The following CYYR1 variants were observed in gnomAD, a reference collection of about 807,000 sequenced individuals.
The protein encoded by CYYR1 is cysteine and tyrosine-rich protein 1.
CYYR1 carries 14 observed loss-of-function variants against 15.2 expected under a neutral mutation model. The ratio of observed to expected loss-of-function variants is 0.92; its 90% CI spans 0.61 to 1.44. The LOEUF (loss-of-function observed/expected upper bound fraction) is 1.44. CYYR1 is among the 40% of genes most tolerant of loss of function. The probability of loss-of-function intolerance (pLI) is 0.00; values close to 1 mark genes in which losing one functional copy is unlikely to be tolerated. For synonymous variants in CYYR1, 80 were observed against 77.4 expected, an observed-to-expected ratio of 1.03 and a Z score of -0.18; for missense variants, 228 against 209.5, an observed-to-expected ratio of 1.09 and a Z score of -0.54.
At chr21:26,491,885 C>T (rs1008225559) in intron 2 of CYYR1, among the ~76,000 whole-genome samples, 7 of 152,100 alleles carry the variant, frequency 4.6e-5, no homozygotes, top group Non-Finnish European at 8.8e-5. Flanking sequence ...TGTGACTGAT[C>T]GCTGTCTGCT....
intron 2 of CYYR1, among the ~76,000 whole-genome samples, chr21:26,562,793 T>TAAAC (rs1980316565): frequency 2.4e-5 from 1 of 41,586 alleles, no homozygotes; most frequent in African/African-American, 1.2e-4. Flanking sequence ...CACAGAGACA[T>TAAAC]ACACAAACAC....
At chr21:26,509,189 C>T (rs992375679) in intron 2 of CYYR1, among the ~76,000 whole-genome samples, 2 of 152,176 alleles carry the variant, frequency 1.3e-5, no homozygotes, top group Non-Finnish European at 2.9e-5. Context: ...CTTTACACTC[C>T]TCCCTCTCAG....
intron 3 of CYYR1, chr21:26,477,808 GA>G: frequency 1.0e-6 from 1 of 983,004 alleles, no homozygotes; most frequent in Non-Finnish European, 1.2e-6. Flanking sequence ...TTGACCAAGG[GA>G]AAAAATTCAG....
chr21:26,565,568 C>T (rs192857190), intron 2 of CYYR1, among the ~76,000 whole-genome samples: 55 of 152,264 alleles, frequency 3.6e-4, no homozygotes, highest in African/African-American at 1.2e-3. Context: ...CTTTTCCAGC[C>T]GTACAGCCCT....
chr21:26,571,182 CAGTA>C (rs1244377526), intron 1 of CYYR1, among the ~76,000 whole-genome samples: 2 of 152,186 alleles, frequency 1.3e-5, no homozygotes, highest in African/African-American at 2.4e-5. Flanking sequence ...ATACCTCACT[CAGTA>C]AGTAATAGTT....
chr21:26,568,127 A>G (rs1980768799), intron 1 of CYYR1: 1 of 152,224 alleles, frequency 6.6e-6, no homozygotes, highest in Non-Finnish European at 1.5e-5. Flanking sequence ...ATATATTGAC[A>G]ATAGATGCTT....
At chr21:26,489,702 G>C (rs2065300304) in intron 2 of CYYR1, among the ~76,000 whole-genome samples, 1 of 152,082 alleles carries the variant, frequency 6.6e-6, no homozygotes, top group South Asian at 2.1e-4. Flanking sequence ...TCTAAATGCA[G>C]TAAATCATAG....
At chr21:26,570,386 C>G (rs35604128) in intron 1 of CYYR1, among the ~76,000 whole-genome samples, 6,002 of 152,202 alleles carry the variant, frequency 0.039, 165 homozygotes, top group Non-Finnish European at 0.06. Flanking sequence ...GAAGCACTTG[C>G]TTAGAAATGG....
intron 2 of CYYR1, among the ~76,000 whole-genome samples, chr21:26,480,915 T>G (rs1265987154): frequency 6.6e-6 from 1 of 152,182 alleles, no homozygotes; most frequent in Non-Finnish European, 1.5e-5. Flanking sequence ...AATATTTGTT[T>G]CTTAATAAAA....
In CYYR1 at chr21:26,474,048, GTT is replaced by G. The variant is rs35327076; in HGVS notation, c.335-5416_335-5415del. On this transcript the variant is annotated intron_variant, in intron 3 of 3. Transcript: ENST00000652641. Reference sequence around the variant, plus strand: ...TTGTTGTTGTGTGTTTTTTGTTTTCGTTTTTTTTTTTTTTTTGAGATGGAGTC... The same window carrying G: ...TTGTTGTTGTGTGTTTTTTGTTTTCGTTTTTTTTTTTTTTGAGATGGAGTC... Among the ~76,000 whole-genome samples, 899 of 105,036 alleles carry G rather than the reference GTT, an allele frequency of 8.6e-3. 2 individuals are homozygous for G. Among genetic ancestry groups the G allele is most frequent in the African/African-American group, 0.014 (411 of 29,940 alleles). 68.9% of individuals were successfully genotyped at this position (105,036 alleles called of 152,430 possible).
At chr21:26,543,719 A>G (rs1385646901) in intron 2 of CYYR1, among the ~76,000 whole-genome samples, 1 of 152,174 alleles carries the variant, frequency 6.6e-6, no homozygotes, top group Admixed American at 6.5e-5. Flanking sequence ...CAGCCTGACC[A>G]ACAAGGTAAA....
At chr21:26,473,402 A>G (rs1039169951) in intron 3 of CYYR1, among the ~76,000 whole-genome samples, 1 of 152,152 alleles carries the variant, frequency 6.6e-6, no homozygotes, top group Non-Finnish European at 1.5e-5. Context: ...ACATGCAAAG[A>G]TATAGTATAA....
At chr21:26,522,060 T>C (rs1024150646) in intron 2 of CYYR1, among the ~76,000 whole-genome samples, 1 of 152,230 alleles carries the variant, frequency 6.6e-6, no homozygotes, top group Non-Finnish European at 1.5e-5. Flanking sequence ...TGTGGTATTC[T>C]GTCAAAACTA....
chr21:26,466,386 T>A lies in CYYR1; in HGVS notation c.*2115A>T, dbSNP rs546833498. 9.2e-5 allele frequency: 14 copies of A among 152,328 alleles called. No homozygotes were observed. Among genetic ancestry groups the A allele is most frequent in the African/African-American group, 3.4e-4 (14 of 41,574 alleles). 9.4% of individuals were successfully genotyped at this position (152,328 alleles called of 1,614,324 possible). On this transcript the variant is annotated 3_prime_UTR_variant, in exon 4 of 4. Coordinates refer to ENST00000652641, the MANE Select transcript of CYYR1 (RefSeq NM_001320768.2). ...GAACTCCAACAGTCTATACTGGTAATGTGCACATTGATGCTATTATGACAC... is the reference window on the plus strand; with the variant it reads ...GAACTCCAACAGTCTATACTGGTAAAGTGCACATTGATGCTATTATGACAC...
intron 2 of CYYR1, among the ~76,000 whole-genome samples, chr21:26,549,223 G>A (rs1292253718): frequency 6.6e-6 from 1 of 152,000 alleles, no homozygotes; most frequent in Admixed American, 6.6e-5. Flanking sequence ...CTTTTTTCAT[G>A]TACCCAGAAA....
chr21:26,553,691 A>G (rs1315379859), intron 2 of CYYR1, among the ~76,000 whole-genome samples: 1 of 152,128 alleles, frequency 6.6e-6, no homozygotes, highest in Non-Finnish European at 1.5e-5. Context: ...TGCTTCGTGC[A>G]TTCTGTCCAC....
intron 1 of CYYR1, chr21:26,568,857 A>G (rs1410561698): frequency 6.6e-6 from 1 of 152,222 alleles, no homozygotes; most frequent in East Asian, 1.9e-4. Flanking sequence ...CAACAAAAAA[A>G]TGTTCAACAA....
chr21:26,530,382 T>C (rs1489731367), intron 2 of CYYR1, among the ~76,000 whole-genome samples: 3 of 152,050 alleles, frequency 2.0e-5, no homozygotes, highest in Non-Finnish European at 2.9e-5. Context: ...CCTCCAGTTA[T>C]AGTTTTTCTT....
At chr21:26,501,094 C>A (rs979719393) in intron 2 of CYYR1, among the ~76,000 whole-genome samples, 4 of 152,200 alleles carry the variant, frequency 2.6e-5, no homozygotes, top group African/African-American at 9.6e-5. Context: ...AATCCCAGCA[C>A]TTTGGGAGGC....
Sources: gnomAD v4.1 joint callset for allele counts (sites outside exome capture counted in the v4.1 genomes callset) on GRCh38, gnomAD v4.1.1 for gene constraint, MANE v1.5 for transcripts, NCBI Gene and HGNC (gene_info 2026-07-23, HGNC 2026-07-21) for gene names.